Variants in ALK observed in about 807,000 individuals in gnomAD.
ALK encodes the protein ALK receptor tyrosine kinase.
ALK carries 74 observed loss-of-function variants against 163.1 expected under a neutral mutation model. That is an observed-to-expected ratio of 0.45 (90% CI 0.38 to 0.55). The LOEUF is 0.55. ALK is among the 20% of genes least tolerant of loss of function. ALK has a pLI of 0.00. For missense variants in ALK, 2,063 were observed against 2,105.3 expected, an observed-to-expected ratio of 0.98 and a Z score of 0.39; for synonymous variants, 960 against 843.2, an observed-to-expected ratio of 1.14 and a Z score of -2.40.
At chr2:29,571,564 C>T (rs1354187531) in intron 3 of ALK, among the ~76,000 whole-genome samples, 1 of 143,966 alleles carries the variant, frequency 6.9e-6, no homozygotes. Flanking sequence ...GTCAATTAAA[C>T]CTCTTTCCTT....
At chr2:29,857,487 G>A (rs1666172895) in intron 1 of ALK, among the ~76,000 whole-genome samples, 1 of 152,234 alleles carries the variant, frequency 6.6e-6, no homozygotes, top group Non-Finnish European at 1.5e-5. Flanking sequence ...GGCTAAGGCT[G>A]AATGTGGCTC....
intron 4 of ALK, among the ~76,000 whole-genome samples, chr2:29,409,389 G>A (rs1669672930): frequency 6.6e-6 from 1 of 152,208 alleles, no homozygotes; most frequent in Non-Finnish European, 1.5e-5. Flanking sequence ...TCTGTGGGGA[G>A]GACTCTCAAA....
chr2:29,326,322 C>T (rs1232525657), intron 6 of ALK, among the ~76,000 whole-genome samples: 2 of 152,204 alleles, frequency 1.3e-5, no homozygotes, highest in African/African-American at 4.8e-5. Flanking sequence ...CCCTGACATG[C>T]TGTGTGACCC....
chr2:29,475,431 G>A (rs953385192), intron 4 of ALK, among the ~76,000 whole-genome samples: 8 of 152,112 alleles, frequency 5.3e-5, no homozygotes, highest in Non-Finnish European at 2.9e-5. Context: ...GGCAGAATCC[G>A]CCTCTCCCGC....
chr2:29,573,431 G>A (rs974020053), intron 3 of ALK, among the ~76,000 whole-genome samples: 1 of 152,172 alleles, frequency 6.6e-6, no homozygotes, highest in African/African-American at 2.4e-5. Flanking sequence ...AATGTTATAT[G>A]CTTATCTTTT....
chr2:29,278,780 C>G (rs1665609585), intron 9 of ALK, among the ~76,000 whole-genome samples: 1 of 152,222 alleles, frequency 6.6e-6, no homozygotes, highest in African/African-American at 2.4e-5. Context: ...ATCAGGAAGG[C>G]ACAGCTGCCT....
chr2:29,773,570 T>C (rs13422503), intron 1 of ALK, among the ~76,000 whole-genome samples: 7,989 of 152,264 alleles, frequency 0.052, 474 homozygotes, highest in African/African-American at 0.14. Flanking sequence ...TAGATAATGA[T>C]GAGTTTCTTT....
At chr2:29,704,839 C>G (rs902945023) in intron 2 of ALK, among the ~76,000 whole-genome samples, 1 of 152,138 alleles carries the variant, frequency 6.6e-6, no homozygotes, top group Non-Finnish European at 1.5e-5. Flanking sequence ...CCTCCCAGCT[C>G]CAGGCGCATC....
chr2:29,760,063 C>T (rs1167352264), intron 1 of ALK, among the ~76,000 whole-genome samples: 1 of 152,182 alleles, frequency 6.6e-6, no homozygotes, highest in East Asian at 1.9e-4. Flanking sequence ...TTTGTCACAA[C>T]AAGTGCAACT....
intron 3 of ALK, among the ~76,000 whole-genome samples, chr2:29,549,708 C>T (rs1171352479): frequency 6.6e-6 from 1 of 152,042 alleles, no homozygotes; most frequent in Non-Finnish European, 1.5e-5. Flanking sequence ...AATTTAGTCT[C>T]TAAACTGAAA....
intron 1 of ALK, among the ~76,000 whole-genome samples, chr2:29,861,997 C>G (rs1666306840): frequency 6.6e-6 from 1 of 152,110 alleles, no homozygotes; most frequent in African/African-American, 2.4e-5. Context: ...CAATATGATA[C>G]ACCACATTAA....
chr2:29,617,187 T>C (rs1320831582), intron 3 of ALK, among the ~76,000 whole-genome samples: 1 of 152,242 alleles, frequency 6.6e-6, no homozygotes, highest in African/African-American at 2.4e-5. Context: ...CCTGATGGTC[T>C]TTTAGATGTC....
intron 1 of ALK, among the ~76,000 whole-genome samples, chr2:29,742,436 T>C (rs1034940957): frequency 3.9e-5 from 6 of 152,204 alleles, no homozygotes. Context: ...TGTTACAGGC[T>C]GTGGGGAAAG....
intron 4 of ALK, among the ~76,000 whole-genome samples, chr2:29,447,029 A>G (rs1231930541): frequency 6.6e-6 from 1 of 152,168 alleles, no homozygotes; most frequent in East Asian, 1.9e-4. Context: ...TACTCACTGG[A>G]AGAGGAGTAA....
intron 3 of ALK, among the ~76,000 whole-genome samples, chr2:29,637,672 G>A (rs1014274184): frequency 5.1e-5 from 7 of 136,310 alleles, no homozygotes; most frequent in Admixed American, 8.4e-5. Context: ...TTGCACCGCC[G>A]CACTCCAGCC....
At chr2:29,748,905 C>T (rs1012033058) in intron 1 of ALK, among the ~76,000 whole-genome samples, 7 of 152,248 alleles carry the variant, frequency 4.6e-5, no homozygotes, top group Middle Eastern at 3.4e-3. Flanking sequence ...GCCATTACTC[C>T]TGGCTAATTT....
chr2:29,699,538 C>A (rs944826507), intron 2 of ALK, among the ~76,000 whole-genome samples: 2 of 152,258 alleles, frequency 1.3e-5, no homozygotes, highest in East Asian at 1.9e-4. Context: ...GATGAGAAAC[C>A]AATGAAGTGT....
At chr2:29,597,554 T>C (rs576416274) in intron 3 of ALK, among the ~76,000 whole-genome samples, 2 of 152,314 alleles carry the variant, frequency 1.3e-5, no homozygotes, top group South Asian at 4.1e-4. Context: ...GAAAGGTGAC[T>C]CATATGGATT....
intron 3 of ALK, among the ~76,000 whole-genome samples, chr2:29,605,784 T>C (rs1675527554): frequency 6.6e-6 from 1 of 152,196 alleles, no homozygotes; most frequent in Non-Finnish European, 1.5e-5. Flanking sequence ...GCAGACCCAG[T>C]GAAGGCACCA....
Sources: gnomAD v4.1 joint callset for allele counts (sites outside exome capture counted in the v4.1 genomes callset) on GRCh38, gnomAD v4.1.1 for gene constraint, MANE v1.5 for transcripts, NCBI Gene and HGNC (gene_info 2026-07-23, HGNC 2026-07-21) for gene names.